Variants in GPC6 observed in about 807,000 individuals in gnomAD.
GPC6 encodes the protein glypican 6, also known as glypican-6.
Under a neutral mutation model 55.2 loss-of-function variants are expected in GPC6, and 14 were observed. That is an observed-to-expected ratio of 0.25 (90% CI 0.17 to 0.40). The LOEUF (loss-of-function observed/expected upper bound fraction) is 0.40. Among genes scored for constraint, GPC6 ranks in the 10% least tolerant of loss-of-function variants. The pLI is 1.00. For synonymous variants in GPC6, 278 were observed against 259.6 expected, an observed-to-expected ratio of 1.07 and a Z score of -0.68; for missense variants, 641 against 708.5, an observed-to-expected ratio of 0.90 and a Z score of 1.08.
At chr13:94,312,959 G>A (rs1266704735) in intron 6 of GPC6, among the ~76,000 whole-genome samples, 1 of 152,132 alleles carries the variant, frequency 6.6e-6, no homozygotes, top group African/African-American at 2.4e-5. Context: ...GAACGACCCG[G>A]TCTTGCCTGA....
At chr13:93,410,453 A>T (rs1876454902) in intron 1 of GPC6, among the ~76,000 whole-genome samples, 1 of 152,184 alleles carries the variant, frequency 6.6e-6, no homozygotes, top group Non-Finnish European at 1.5e-5. Flanking sequence ...TAGGGATATT[A>T]TGCCTGCATT....
chr13:93,539,420 A>G (rs978501599), intron 1 of GPC6, among the ~76,000 whole-genome samples: 2 of 152,182 alleles, frequency 1.3e-5, no homozygotes, highest in Non-Finnish European at 2.9e-5. Flanking sequence ...AAGACCAAGC[A>G]TATATCATGG....
chr13:93,794,013 G>T (rs980602384), intron 2 of GPC6, among the ~76,000 whole-genome samples: 1 of 152,072 alleles, frequency 6.6e-6, no homozygotes, highest in African/African-American at 2.4e-5. Context: ...GCTTTGCTTT[G>T]ACATAGGGAT....
chr13:93,261,447 T>C (rs908563014), intron 1 of GPC6, among the ~76,000 whole-genome samples: 51 of 152,316 alleles, frequency 3.3e-4, no homozygotes, highest in African/African-American at 1.1e-3. Flanking sequence ...CACATTTTCC[T>C]GTAGTACTGC....
chr13:93,366,140 T>G (rs1001942143), intron 1 of GPC6, among the ~76,000 whole-genome samples: 9 of 152,046 alleles, frequency 5.9e-5, no homozygotes, highest in Non-Finnish European at 1.2e-4. Context: ...GTAATTATGC[T>G]CTCTTTATAT....
At chr13:94,213,151 G>A (rs1019726862) in intron 4 of GPC6, among the ~76,000 whole-genome samples, 3 of 152,118 alleles carry the variant, frequency 2.0e-5, no homozygotes, top group Admixed American at 6.5e-5. Context: ...GCAAGACTGT[G>A]TCTCAAAAAA....
chr13:93,228,273 G>A lies in GPC6; in HGVS notation c.160+657G>A, dbSNP rs1374150866. On this transcript the variant is annotated intron_variant, in intron 1 of 8. Transcript: ENST00000377047. ...GGCTGCCTGTTTCAGATGTGGGGCGGGCTTTCCCGTTAGGGTTCCTCAGTG... is the reference window on the plus strand; with the variant it reads ...GGCTGCCTGTTTCAGATGTGGGGCGAGCTTTCCCGTTAGGGTTCCTCAGTG... Among the ~76,000 whole-genome samples, 4 of 152,312 alleles carry A rather than the reference G, an allele frequency of 2.6e-5. No individual in the cohort carries two copies. The East Asian group carries it at 5.8e-4, about 22-fold the overall frequency.
At chr13:94,175,937 C>CATATATATATATATAT (rs377560714) in intron 4 of GPC6, among the ~76,000 whole-genome samples, 5 of 127,878 alleles carry the variant, frequency 3.9e-5, no homozygotes, top group East Asian at 2.2e-4. Context: ...CCAAATGAGC[C>CATATATATATATATAT]ATATATATAT....
At chr13:94,266,160 T>TTTG (rs1555313270) in intron 4 of GPC6, among the ~76,000 whole-genome samples, 2,631 of 148,194 alleles carry the variant, frequency 0.018, 72 homozygotes, top group African/African-American at 0.057. Context: ...TCTTTTTTTT[T>TTTG]TTTGTTTGTT....
chr13:94,066,203 G>A (rs1208250666), intron 4 of GPC6, among the ~76,000 whole-genome samples: 1 of 151,990 alleles, frequency 6.6e-6, no homozygotes, highest in Non-Finnish European at 1.5e-5. Flanking sequence ...AGATATTCAT[G>A]GTCTAATCTT....
rs547533070 is a variant in GPC6 at position 93,916,914 on chromosome 13, A to T, written c.711+86369A>T. 2.6e-5 allele frequency among the ~76,000 whole-genome samples: 4 copies of T among 152,228 alleles called. No homozygotes were observed. In the East Asian group the frequency reaches 7.7e-4, roughly 29 times the overall value. On this transcript the variant is annotated intron_variant, in intron 3 of 8. Coordinates refer to ENST00000377047, the MANE Select transcript of GPC6 (RefSeq NM_005708.5). ...TAAATCCTAAAACAGAATATTAGTG[A>T]TTTTGAAGGTATTTCCATCTTAGCC...
chr13:94,099,158 T>G (rs1254528999), intron 4 of GPC6, among the ~76,000 whole-genome samples: 1 of 152,192 alleles, frequency 6.6e-6, no homozygotes, highest in Non-Finnish European at 1.5e-5. Context: ...AGCAGACTCA[T>G]TGTAATAATT....
chr13:93,591,379 G>A (rs1877470708), intron 2 of GPC6, among the ~76,000 whole-genome samples: 1 of 151,788 alleles, frequency 6.6e-6, no homozygotes, highest in South Asian at 2.1e-4. Context: ...CAGGAGAGTG[G>A]CGTGAACCCG....
rs542385418 is a variant in GPC6, at chr13:93,856,306, G to A, written c.711+25761G>A. Among the ~76,000 whole-genome samples, 9 of 151,678 alleles carry A rather than the reference G, an allele frequency of 5.9e-5. No homozygotes were observed. The East Asian group carries it at 1.6e-3, about 26-fold the overall frequency. Reference sequence around the variant, plus strand: ...TATCGTGACTCCTAAGTGATGTCAAGTGGGTTGAGGATAAGGCAGGATGTC... The same window carrying A: ...TATCGTGACTCCTAAGTGATGTCAAATGGGTTGAGGATAAGGCAGGATGTC... On this transcript the variant is annotated intron_variant, in intron 3 of 8. Transcript: ENST00000377047.
At chr13:94,125,773 G>A (rs1247643474) in intron 4 of GPC6, among the ~76,000 whole-genome samples, 3 of 151,568 alleles carry the variant, frequency 2.0e-5, no homozygotes, top group African/African-American at 7.3e-5. Flanking sequence ...AAAGAAATGA[G>A]CGTGGAGCAC....
rs565877332 is a variant in GPC6, at chr13:93,834,744, G to T, written c.711+4199G>T. Among the ~76,000 whole-genome samples, 31 of 152,214 alleles carry T rather than the reference G, an allele frequency of 2.0e-4. 1 individual carries two copies. The South Asian group carries it at 6.2e-3, about 31-fold the overall frequency. On this transcript the variant is annotated intron_variant, in intron 3 of 8. Coordinates refer to ENST00000377047, the MANE Select transcript of GPC6 (RefSeq NM_005708.5). ...GTCCCTGAGCTACCCTCAGTTGTTT[G>T]TAGTACTAACTACTGTTCATGGACC...
chr13:94,399,530 G>A (rs1441352335), intron 8 of GPC6, among the ~76,000 whole-genome samples: 1 of 152,188 alleles, frequency 6.6e-6, no homozygotes, highest in Non-Finnish European at 1.5e-5. Context: ...AACATAAGAT[G>A]TGAAGTTGCC....
At chr13:93,292,150 T>C (rs895051972) in intron 1 of GPC6, among the ~76,000 whole-genome samples, 3 of 152,190 alleles carry the variant, frequency 2.0e-5, no homozygotes, top group African/African-American at 7.2e-5. Flanking sequence ...TTGCCAGTGG[T>C]TAACTAATAG....
intron 4 of GPC6, among the ~76,000 whole-genome samples, chr13:94,170,948 T>C (rs1230681023): frequency 6.6e-6 from 1 of 152,232 alleles, no homozygotes; most frequent in Non-Finnish European, 1.5e-5. Context: ...AAATCTAGGA[T>C]GTTCTTAATG....
Sources: gnomAD v4.1 joint callset for allele counts (sites outside exome capture counted in the v4.1 genomes callset) on GRCh38, gnomAD v4.1.1 for gene constraint, MANE v1.5 for transcripts, NCBI Gene and HGNC (gene_info 2026-07-23, HGNC 2026-07-21) for gene names.